The following LINGO2 variants were observed in gnomAD, a reference collection of about 807,000 sequenced individuals.
The protein encoded by LINGO2 is leucine-rich repeat and immunoglobulin-like domain-containing nogo receptor-interacting protein 2.
In LINGO2, 14 loss-of-function variants were observed where a neutral mutation model predicts 30.6. That is an observed-to-expected ratio of 0.46 (90% CI 0.30 to 0.72). The LOEUF (loss-of-function observed/expected upper bound fraction) is 0.72, where lower values mean the gene tolerates loss of function less well. Ranked by LOEUF, LINGO2 falls within the 30% of genes least tolerant of loss-of-function variation. The pLI is 0.07. For synonymous variants in LINGO2, 317 were observed against 288.5 expected, an observed-to-expected ratio of 1.10 and a Z score of -1.00; for missense variants, 729 against 751.7, an observed-to-expected ratio of 0.97 and a Z score of 0.35.
At chr9:28,182,797 T>C (rs1819401251) in intron 4 of LINGO2, among the ~76,000 whole-genome samples, 1 of 152,046 alleles carries the variant, frequency 6.6e-6, no homozygotes, top group African/African-American at 2.4e-5. Flanking sequence ...TATTAAAAAG[T>C]CAGGAAACAA....
chr9:28,223,752 A>T (rs73645619), intron 4 of LINGO2, among the ~76,000 whole-genome samples: 1 of 152,168 alleles, frequency 6.6e-6, no homozygotes, highest in Non-Finnish European at 1.5e-5. Context: ...GAAATCTTTA[A>T]CAACTGCCTG....
the LINGO2 span, among the ~76,000 whole-genome samples, chr9:28,699,999 G>C: frequency 6.6e-6 from 1 of 151,920 alleles, no homozygotes; most frequent in African/African-American, 2.4e-5. Context: ...TTTTGCCCTG[G>C]CCCTGTTTCC....
intron 1 of LINGO2, among the ~76,000 whole-genome samples, chr9:28,581,320 T>TC (rs1030731195): frequency 4.6e-5 from 7 of 151,748 alleles, no homozygotes; most frequent in African/African-American, 1.7e-4. Flanking sequence ...CAAACCAGCC[T>TC]CCCAAAGGTA....
intron 4 of LINGO2, among the ~76,000 whole-genome samples, chr9:28,074,526 T>C (rs1825568854): frequency 6.6e-6 from 1 of 152,162 alleles, no homozygotes. Context: ...CAGCTTGTAA[T>C]ATATGTTCCT....
At chr9:28,980,952 A>T in the LINGO2 span, among the ~76,000 whole-genome samples, 5 of 152,112 alleles carry the variant, frequency 3.3e-5, no homozygotes, top group Non-Finnish European at 7.4e-5. Flanking sequence ...GATGATCAAT[A>T]GATGTTTCAG....
chr9:28,674,990 AT>A (rs1829163214), upstream of LINGO2, among the ~76,000 whole-genome samples: 1 of 152,138 alleles, frequency 6.6e-6, no homozygotes, highest in Admixed American at 6.6e-5. Flanking sequence ...AATATTTTGA[AT>A]TGTTATATGT....
intron 4 of LINGO2, among the ~76,000 whole-genome samples, chr9:28,253,337 T>C (rs868542681): frequency 1.3e-5 from 2 of 152,132 alleles, no homozygotes; most frequent in East Asian, 1.9e-4. Context: ...CTAAACACAA[T>C]GAGACCTCAC....
chr9:28,748,335 A>G, the LINGO2 span, among the ~76,000 whole-genome samples: 1 of 151,994 alleles, frequency 6.6e-6, no homozygotes, highest in African/African-American at 2.4e-5. Flanking sequence ...TTAATAAATT[A>G]TAATGATAAA....
At chr9:28,399,155 A>G (rs1271924022) in intron 2 of LINGO2, among the ~76,000 whole-genome samples, 3 of 152,214 alleles carry the variant, frequency 2.0e-5, no homozygotes, top group African/African-American at 7.2e-5. Context: ...TAAACCCCCA[A>G]CAAGAATTAA....
chr9:29,172,164 C>G, the LINGO2 span, among the ~76,000 whole-genome samples: 9 of 151,742 alleles, frequency 5.9e-5, no homozygotes, highest in Non-Finnish European at 1.0e-4. Flanking sequence ...AGATTTTTGA[C>G]AGAATTATAA....
chr9:28,218,198 T>A (rs1206457731), intron 4 of LINGO2, among the ~76,000 whole-genome samples: 3 of 150,514 alleles, frequency 2.0e-5, no homozygotes, highest in Non-Finnish European at 3.0e-5. Flanking sequence ...ATGTATCAAA[T>A]AATATCAAAC....
At chr9:28,476,924 G>T (rs1487300372) in intron 1 of LINGO2, among the ~76,000 whole-genome samples, 1 of 152,116 alleles carries the variant, frequency 6.6e-6, no homozygotes, top group Non-Finnish European at 1.5e-5. Flanking sequence ...AGTTGTAAAA[G>T]GAAATGAGAT....
At chr9:28,061,624 C>T (rs1176334379) in intron 4 of LINGO2, among the ~76,000 whole-genome samples, 1 of 151,912 alleles carries the variant, frequency 6.6e-6, no homozygotes, top group African/African-American at 2.4e-5. Context: ...ACCATGGGTA[C>T]AGGAGCACAA....
chr9:28,937,390 A>G, the LINGO2 span, among the ~76,000 whole-genome samples: 4 of 152,230 alleles, frequency 2.6e-5, no homozygotes, highest in Non-Finnish European at 5.9e-5. Flanking sequence ...GGTAGGACGG[A>G]CATAGGAAAG....
chr9:28,938,473 AGG>A, the LINGO2 span, among the ~76,000 whole-genome samples: 1 of 152,166 alleles, frequency 6.6e-6, no homozygotes, highest in African/African-American at 2.4e-5. Flanking sequence ...GCACCCCATA[AGG>A]ACATTTCTAT....
intron 4 of LINGO2, among the ~76,000 whole-genome samples, chr9:28,127,549 C>G (rs1827271308): frequency 6.6e-6 from 1 of 152,158 alleles, no homozygotes; most frequent in Non-Finnish European, 1.5e-5. Context: ...TGGAATGTCA[C>G]AAATATGGGA....
chr9:28,593,662 A>C (rs1012253254), intron 1 of LINGO2, among the ~76,000 whole-genome samples: 48 of 152,088 alleles, frequency 3.2e-4, no homozygotes, highest in African/African-American at 1.1e-3. Flanking sequence ...TATTTTAATC[A>C]AAAATCAAAA....
chr9:29,012,651 C>A, the LINGO2 span, among the ~76,000 whole-genome samples: 1 of 151,816 alleles, frequency 6.6e-6, no homozygotes, highest in Non-Finnish European at 1.5e-5. Flanking sequence ...TAATAGCTTC[C>A]CTAATTATAG....
chr9:28,473,517 ATC>A (rs1475737654), intron 2 of LINGO2, among the ~76,000 whole-genome samples: 2 of 151,950 alleles, frequency 1.3e-5, no homozygotes, highest in Non-Finnish European at 2.9e-5. Context: ...TTGGGACTAT[ATC>A]TCTTTCCCGG....
Sources: gnomAD v4.1 joint callset for allele counts (sites outside exome capture counted in the v4.1 genomes callset) on GRCh38, gnomAD v4.1.1 for gene constraint, MANE v1.5 for transcripts, NCBI Gene and HGNC (gene_info 2026-07-23, HGNC 2026-07-21) for gene names.